ZNF219: variants seen among roughly 807,000 people sequenced by gnomAD.
ZNF219 encodes zinc finger protein 219.
A neutral mutation model predicts 54.4 loss-of-function variants in ZNF219; 17 were observed. The ratio of observed to expected loss-of-function variants is 0.31; its 90% CI spans 0.21 to 0.47. The LOEUF (loss-of-function observed/expected upper bound fraction) is 0.47, where lower values mean the gene tolerates loss of function less well. Ranked by LOEUF, ZNF219 falls within the 20% of genes least tolerant of loss-of-function variation. The probability of loss-of-function intolerance (pLI) is 1.00; values close to 1 mark genes in which losing one functional copy is unlikely to be tolerated. For synonymous variants in ZNF219, 518 were observed against 476.4 expected, an observed-to-expected ratio of 1.09 and a Z score of -1.14; for missense variants, 1,014 against 1,062.3, an observed-to-expected ratio of 0.95 and a Z score of 0.63.
chr14:21,091,334 C>T (rs908062076), intron 4 of ZNF219, 77 bp downstream of exon 4: 3 of 1,541,144 alleles, frequency 1.9e-6, no homozygotes, highest in Admixed American at 3.8e-5. Context: ...ACAAACTTCA[C>T]CTCCTAGTGT....
At chr14:21,102,491 G>C (rs1566558222), upstream of ZNF219, 1 of 1,551,732 alleles carries the variant, frequency 6.4e-7, no homozygotes, top group Non-Finnish European at 8.7e-7. Flanking sequence ...CAGCCTTGGG[G>C]CCTGCCCCAA....
chr14:21,098,265 C>G (rs1342755696), intron 1 of ZNF219, 47 bp downstream of exon 1: 3 of 146,826 alleles, frequency 2.0e-5, no homozygotes, highest in African/African-American at 7.4e-5. Flanking sequence ...GGGCGGGGGC[C>G]GGGTGGCGGA....
chr14:21,104,357 T>G (rs1166784121), intron 1 of ZNF219: 1 of 152,246 alleles, frequency 6.6e-6, no homozygotes, highest in Non-Finnish European at 1.5e-5. Context: ...CCCCCACCGT[T>G]TACGACCTTT....
chr14:21,098,246 G>A (rs1220330444), intron 1 of ZNF219, 66 bp downstream of exon 1: 1 of 146,804 alleles, frequency 6.8e-6, no homozygotes, highest in Non-Finnish European at 1.5e-5. Flanking sequence ...GGAGGGGGGA[G>A]GGGGCCGGGG....
Position 21,093,205 on chromosome 14 carries a change from T to G in ZNF219, c.92A>C (p.Asn31Thr). 8 of 1,606,598 alleles carry G rather than the reference T, an allele frequency of 5.0e-6. No homozygotes were observed. The highest frequency in any genetic ancestry group is 6.8e-6 in the Non-Finnish European group (8 of 1,179,364). The stretch of plus-strand genomic sequence containing the variant: ...CGACCCTGCGCTCACGGCTGGCCCG[T>G]TGGAGTATCGCTGCAGATCCAGCTC... Reference protein sequence around the residue: ...DGELDLQRYSNGPAVSAGSLG... With the variant: ...DGELDLQRYSTGPAVSAGSLG... Residue 31 changes from asparagine to threonine, a missense_variant, in exon 3 of 5, where the codon AAC (asparagine) becomes ACC (threonine). Physicochemically the swap from Asn to Thr is moderately conservative, Grantham distance 65. Coordinates refer to ENST00000360947, the MANE Select transcript of ZNF219 (RefSeq NM_016423.3).
rs914551591 is a variant in ZNF219 at position 21,098,535 on chromosome 14, G to A, written c.-307C>T. The A allele has an allele frequency of 1.0e-6, 1 of 986,246 alleles. No homozygotes were observed. Among genetic ancestry groups the A allele is most frequent in the Non-Finnish European group, 1.2e-6 (1 of 830,928 alleles). The allele number at this position is 986,246 out of a possible 1,614,324, so 61.1% of individuals were successfully genotyped here. A position where few individuals can be genotyped will look rare whatever the true frequency, so the allele number is the denominator to read the frequency against. ...CGGCCCGGCCATTAGCATGCGGGGG[G>A]CGGCGCGGCGGGGCTGGGAGCCGCG... On this transcript the variant is annotated 5_prime_UTR_variant, in exon 1 of 5. Transcript: ENST00000360947.
At chr14:21,098,801 C>G (rs953232307), upstream of ZNF219, 53 of 1,286,996 alleles carry the variant, frequency 4.1e-5, no homozygotes, top group Non-Finnish European at 5.4e-5. Context: ...CTCCCTAAAC[C>G]CGGACATACC....
In ZNF219 at chr14:21,092,106, C is replaced by A; in HGVS notation, c.1191G>T (p.Glu397Asp). ...GEGRPNGEGAEPGPGRSFGGF... is the reference protein window; with the variant it reads ...GEGRPNGEGADPGPGRSFGGF... ...CTCCGAAGCTGCGGCCGGGACCGGGCTCAGCACCCTCGCCGTTGGGCCGGC... is the reference window on the plus strand; with the variant it reads ...CTCCGAAGCTGCGGCCGGGACCGGGATCAGCACCCTCGCCGTTGGGCCGGC... The change falls in exon 3 of 5, where the codon GAG becomes GAT. Residue 397 changes from glutamate (E) to aspartate (D), a missense_variant. Physicochemically the swap from Glu to Asp is conservative, Grantham distance 45. Around this residue, in one of 5 missense-constraint regions of ZNF219, gnomAD observed 272 missense variants for 248.9 expected, o/e 1.09. Transcript: ENST00000360947. 6.5e-7 allele frequency: 1 copy of A among 1,529,564 alleles called. No individual in the cohort carries two copies. The allele number at this position is 1,529,564 out of a possible 1,614,324, so 94.7% of individuals were successfully genotyped here. A position where few individuals can be genotyped will look rare whatever the true frequency, so the allele number is the denominator to read the frequency against.
Position 21,091,465 on chromosome 14 carries a change from C to T in ZNF219, c.1510G>A (p.Gly504Arg), listed in dbSNP as rs985845271. The change falls in exon 4 of 5, where the codon GGA becomes AGA. Residue 504 changes from glycine to arginine, a missense_variant. Around this residue, in one of 5 missense-constraint regions of ZNF219, gnomAD observed 38 missense variants for 67.3 expected, o/e 0.56. Transcript: ENST00000360947. ...GATGKDCPFC[G>R]KSFRSAHHLK... ...TGATGTGCTGAGCGGAAAGATTTTC[C>T]GCAGAAAGGACAATCCTTGCCGGTG... 2 of 1,610,150 alleles carry T rather than the reference C, an allele frequency of 1.2e-6. No homozygotes were observed. Among genetic ancestry groups the T allele is most frequent in the East Asian group, 2.2e-5 (1 of 44,694 alleles).
chr14:21,094,763 G>A, intron 1 of ZNF219, among the ~76,000 whole-genome samples: 1 of 139,684 alleles, frequency 7.2e-6, no homozygotes, highest in South Asian at 2.4e-4. Context: ...AGCTGCAGAG[G>A]AGTTTAGCAT....
Position 21,090,508 on chromosome 14 carries a change from C to T in ZNF219, c.*28G>A, listed in dbSNP as rs1566545072. 6.4e-7 allele frequency: 1 copy of T among 1,565,008 alleles called. No individual in the cohort carries two copies. The highest frequency in any genetic ancestry group is 8.7e-7 in the Non-Finnish European group (1 of 1,153,052). ...CTCCCCCGCTCCGGCGGGGTAAGCT[C>T]ACTAAGCTAATCGCCCCTGAGGGCC... On this transcript the variant is annotated 3_prime_UTR_variant, in exon 5 of 5. Coordinates refer to ENST00000360947, the MANE Select transcript of ZNF219 (RefSeq NM_016423.3). The surrounding 1 kb of genome is among the most constrained non-coding windows in gnomAD (Gnocchi z 4.4).
chr14:21,102,446 G>A (rs1196681180), upstream of ZNF219: 1 of 1,551,534 alleles, frequency 6.4e-7, no homozygotes, highest in African/African-American at 1.4e-5. Context: ...ACTTGATCTT[G>A]GGTTTCATAG....
intron 1 of ZNF219, among the ~76,000 whole-genome samples, chr14:21,094,185 T>C (rs1889142183): frequency 6.6e-6 from 1 of 152,192 alleles, no homozygotes; most frequent in Non-Finnish European, 1.5e-5. Context: ...CCTGGATTCC[T>C]GATCCATTCA....
Position 21,092,990 on chromosome 14 carries a change from G to A in ZNF219, c.307C>T (p.His103Tyr), listed in dbSNP as rs764636006. The A allele has an allele frequency of 1.9e-6, 3 of 1,597,608 alleles. No individual in the cohort carries two copies. The highest frequency in any genetic ancestry group is 1.7e-5 in the Admixed American group (1 of 58,936). The change falls in exon 3 of 5, where the codon CAC becomes TAC. Residue 103 changes from histidine to tyrosine, a missense_variant. Transcript: ENST00000360947. The part of the protein sequence containing the change: ...RAAQRALLRS[H>Y]LRTHQPERPR... ...CGCTCGGGCTGGTGTGTGCGCAGGT[G>A]CGAGCGCAGCAGAGCCCGCTGCGCC...
chr14:21,103,102 C>G (rs1377394497), upstream of ZNF219: 6 of 1,551,448 alleles, frequency 3.9e-6, no homozygotes, highest in Admixed American at 2.0e-5. Flanking sequence ...TCCTTTCTCA[C>G]CTCTACAATT....
upstream of ZNF219, chr14:21,102,315 C>A (rs753623333): frequency 2.2e-5 from 33 of 1,483,080 alleles, no homozygotes; most frequent in Non-Finnish European, 3.0e-5. Context: ...GAAGCAGAAG[C>A]TGAGTTTTGT....
At chr14:21,101,938 A>T (rs1889662614), upstream of ZNF219, 2 of 1,551,596 alleles carry the variant, frequency 1.3e-6, no homozygotes, top group Non-Finnish European at 1.7e-6. Context: ...TCTGATTGTC[A>T]CATGGCCACA....
intron 3 of ZNF219, 29 bp from the exon 4 acceptor site, chr14:21,091,571 G>A (rs1888873149): frequency 6.3e-7 from 1 of 1,579,996 alleles, no homozygotes; most frequent in Non-Finnish European, 8.7e-7. Flanking sequence ...GAGGAAGTCA[G>A]GGGGGCCCAC....
chr14:21,098,692 G>T, upstream of ZNF219: 1 of 1,022,954 alleles, frequency 9.8e-7, no homozygotes, highest in South Asian at 2.2e-5. Context: ...AAGGGAGGGA[G>T]CGGGGGTGGG....
Sources: gnomAD v4.1 joint callset for allele counts (sites outside exome capture counted in the v4.1 genomes callset) on GRCh38, gnomAD v4.1.1 for gene constraint, gnomAD v4.1.1 regional missense constraint, Gnocchi (gnomAD v3.1) non-coding constraint, MANE v1.5 for transcripts, NCBI Gene and HGNC (gene_info 2026-07-23, HGNC 2026-07-21) for gene names.